GALNT2: variants seen among roughly 807,000 people sequenced by gnomAD.
The protein encoded by GALNT2 is UDP-GalNAc:polypeptide N-acetylgalactosaminyltransferase 2.
Under a neutral mutation model 81.4 loss-of-function variants are expected in GALNT2, and 31 were observed. The ratio of observed to expected loss-of-function variants is 0.38; its 90% CI spans 0.29 to 0.51. GALNT2 has a LOEUF of 0.51. GALNT2 is among the 20% of genes least tolerant of loss of function. The probability of loss-of-function intolerance (pLI) is 0.87; values close to 1 mark genes in which losing one functional copy is unlikely to be tolerated. For synonymous variants in GALNT2, 303 were observed against 287.4 expected (o/e 1.05, Z -0.55); for missense variants, 629 against 765.7 (o/e 0.82, Z 2.11).
At chr1:230,093,014 T>G (rs1022411046) in intron 1 of GALNT2, among the ~76,000 whole-genome samples, 1 of 152,162 alleles carries the variant, frequency 6.6e-6, no homozygotes, top group Non-Finnish European at 1.5e-5. Context: ...GGCAGGTATG[T>G]TACCCCCATC....
intron 1 of GALNT2, among the ~76,000 whole-genome samples, chr1:230,110,087 G>A (rs1055995310): frequency 3.9e-5 from 6 of 152,202 alleles, no homozygotes; most frequent in South Asian, 2.1e-4. Context: ...TGATGCAGCC[G>A]TTCTCTGTGC....
chr1:230,239,603 T>A (rs1180397861), intron 6 of GALNT2, among the ~76,000 whole-genome samples: 1 of 152,256 alleles, frequency 6.6e-6, no homozygotes, highest in Admixed American at 6.5e-5. Context: ...CTGGCCGTGC[T>A]GGCAGCTGAT....
At chr1:230,093,851 G>T (rs994542912) in intron 1 of GALNT2, among the ~76,000 whole-genome samples, 1 of 152,194 alleles carries the variant, frequency 6.6e-6, no homozygotes, top group African/African-American at 2.4e-5. Context: ...TTGTGTAAGT[G>T]CATGCTATCA....
intron 1 of GALNT2, among the ~76,000 whole-genome samples, chr1:230,160,380 C>T (rs915418841): frequency 6.6e-6 from 1 of 152,156 alleles, no homozygotes; most frequent in Non-Finnish European, 1.5e-5. Flanking sequence ...TTGCACTCAC[C>T]TCTGATCTCT....
At chr1:230,156,391 G>T (rs916341239) in intron 1 of GALNT2, among the ~76,000 whole-genome samples, 1 of 152,156 alleles carries the variant, frequency 6.6e-6, no homozygotes, top group East Asian at 1.9e-4. Flanking sequence ...TTCCACACTG[G>T]TTTGCAATGT....
intron 1 of GALNT2, among the ~76,000 whole-genome samples, chr1:230,078,153 G>C (rs1659619708): frequency 6.6e-6 from 1 of 152,166 alleles, no homozygotes; most frequent in Non-Finnish European, 1.5e-5. Context: ...CATTGCAGTT[G>C]GGCCTTCATA....
chr1:230,242,836 T>G (rs1009791409), intron 6 of GALNT2, among the ~76,000 whole-genome samples: 4 of 152,252 alleles, frequency 2.6e-5, no homozygotes, highest in Admixed American at 6.5e-5. Flanking sequence ...TTGCAACTTA[T>G]GTTATTTAGC....
intron 2 of GALNT2, among the ~76,000 whole-genome samples, chr1:230,185,287 TGTGTGTGTGTGTGTGCGC>T (rs960092092): frequency 8.8e-6 from 1 of 113,922 alleles, no homozygotes; most frequent in Non-Finnish European, 1.9e-5. Context: ...TGTGTGTGTG[TGTGTGTGTGTGTGTGCGC>T]GCGTGTGTGT....
rs140342930 is a variant in GALNT2 at position 230,173,366 on chromosome 1, T to C, written c.127-4852T>C. ...TAGACCTCTGGTTAAACTTCCCTGA[T>C]GGAATGCAGTATTTGGTCAGAGCTG... is the stretch of plus-strand genomic sequence containing the variant. On this transcript the variant is annotated intron_variant, in intron 1 of 15. Transcript: ENST00000366672. Among the ~76,000 whole-genome samples, 10 of 152,332 alleles carry C rather than the reference T, an allele frequency of 6.6e-5. No individual in the cohort carries two copies. The East Asian group carries it at 1.9e-3, about 29-fold the overall frequency.
At chr1:230,068,663 CTTCA>C (rs1259843351) in intron 1 of GALNT2, among the ~76,000 whole-genome samples, 5 of 152,110 alleles carry the variant, frequency 3.3e-5, no homozygotes, top group Admixed American at 2.0e-4. Context: ...TTTTTCTTTG[CTTCA>C]TTCATTCATT....
At chr1:230,078,976 A>G (rs1026540219) in intron 1 of GALNT2, among the ~76,000 whole-genome samples, 1 of 152,084 alleles carries the variant, frequency 6.6e-6, no homozygotes, top group Non-Finnish European at 1.5e-5. Context: ...GTCCAGCCAG[A>G]TGTTTTATTA....
intron 1 of GALNT2, among the ~76,000 whole-genome samples, chr1:230,122,021 A>G (rs1661032681): frequency 6.9e-6 from 1 of 145,372 alleles, no homozygotes; most frequent in Admixed American, 7.2e-5. Context: ...TCTTGGGCTC[A>G]ACCATTCAAG....
intron 7 of GALNT2, among the ~76,000 whole-genome samples, chr1:230,245,657 A>T (rs530575534): frequency 6.6e-6 from 1 of 152,250 alleles, no homozygotes; most frequent in African/African-American, 2.4e-5. Flanking sequence ...TTTAGCAGTG[A>T]CTCCATTCCT....
chr1:230,083,136 A>G (rs1441484521), intron 1 of GALNT2, among the ~76,000 whole-genome samples: 4 of 121,802 alleles, frequency 3.3e-5, no homozygotes, highest in Admixed American at 8.0e-5. Flanking sequence ...CAGGGAGCCT[A>G]GATGATGGAG....
At chr1:230,129,317 C>T (rs1298373413) in intron 1 of GALNT2, among the ~76,000 whole-genome samples, 3 of 152,038 alleles carry the variant, frequency 2.0e-5, no homozygotes, top group African/African-American at 7.2e-5. Context: ...AAATTTAACT[C>T]TTACTATTTT....
chr1:230,196,167 C>T (rs1663689148), intron 2 of GALNT2, among the ~76,000 whole-genome samples: 1 of 152,200 alleles, frequency 6.6e-6, no homozygotes, highest in Non-Finnish European at 1.5e-5. Flanking sequence ...GCACAGGGCC[C>T]CCTCACCTCC....
chr1:230,095,150 G>A (rs1172355492), intron 1 of GALNT2, among the ~76,000 whole-genome samples: 1 of 152,060 alleles, frequency 6.6e-6, no homozygotes, highest in African/African-American at 2.4e-5. Flanking sequence ...ACCCCAACAA[G>A]CAGGGAGAGC....
chr1:230,125,084 G>T (rs954691825), intron 1 of GALNT2, among the ~76,000 whole-genome samples: 1 of 152,230 alleles, frequency 6.6e-6, no homozygotes, highest in African/African-American at 2.4e-5. Context: ...CCTGGTCTCC[G>T]CTAAGCGGTT....
At chr1:230,244,580 G>A (rs1665307699) in intron 7 of GALNT2, among the ~76,000 whole-genome samples, 2 of 152,060 alleles carry the variant, frequency 1.3e-5, no homozygotes, top group African/African-American at 2.4e-5. Flanking sequence ...GTGTTTGGGT[G>A]TGCGAAGGTC....
Sources: allele counts gnomAD v4.1 joint callset (sites outside exome capture counted in the v4.1 genomes callset), GRCh38; gene constraint gnomAD v4.1.1; transcripts MANE v1.5; gene names NCBI Gene and HGNC (gene_info 2026-07-23, HGNC 2026-07-21).